The following ID1 variants were observed in gnomAD, a reference collection of about 807,000 sequenced individuals.
ID1 encodes DNA-binding protein inhibitor ID-1.
A neutral mutation model predicts 11.3 loss-of-function variants in ID1; 8 were observed. That is an observed-to-expected ratio of 0.71 (90% confidence interval 0.42 to 1.28). The LOEUF (loss-of-function observed/expected upper bound fraction) is 1.28, where lower values mean the gene tolerates loss of function less well. Among genes scored for constraint, ID1 ranks in the 50% most tolerant of loss-of-function variants. The pLI is 0.01. For synonymous variants in ID1, 176 were observed against 100.2 expected (o/e 1.76, Z -4.52); for missense variants, 347 against 219.8 (o/e 1.58, Z -3.66).
chr20:31,605,660 G>A lies in ID1; in HGVS notation c.273G>A (p.Lys91=), dbSNP rs777968770. Residue 91 remains lysine (K), a synonymous_variant, in exon 1 of 2, where the codon AAG becomes AAA. Coordinates refer to ENST00000376112, the MANE Select transcript of ID1 (RefSeq NM_002165.4). ...PTLPQNRKVS[K]VEILQHVIDY... ...TGCCCCAGAACCGCAAGGTGAGCAA[G>A]GTGGAGATTCTCCAGCACGTCATCG... is the stretch of plus-strand genomic sequence containing the variant. The A allele has an allele frequency of 9.9e-6, 16 of 1,608,126 alleles. No homozygotes were observed. The highest frequency in any genetic ancestry group is 2.3e-5 in the East Asian group (1 of 44,418).
At position 31,605,325 on chromosome 20, in the gene ID1, C is replaced by T. The variant is rs544153801; in HGVS notation, c.-63C>T. 22 of 1,464,314 alleles carry T rather than the reference C, an allele frequency of 1.5e-5. No homozygotes were observed. Among genetic ancestry groups the T allele is most frequent in the Admixed American group, 1.2e-4 (6 of 51,044 alleles). 90.7% of individuals were successfully genotyped at this position (1,464,314 alleles called of 1,614,324 possible). The stretch of plus-strand genomic sequence containing the variant: ...TTAACTGTTCCATTTTCCGTATCTG[C>T]TTCGGGCTTCCACCTCATTTTTTTC... On this transcript the variant is annotated 5_prime_UTR_variant, in exon 1 of 2. Coordinates refer to ENST00000376112, the MANE Select transcript of ID1 (RefSeq NM_002165.4).
Position 31,606,240 on chromosome 20 carries a change from C to CCTGGGG in ID1, c.*150_*155dup, listed in dbSNP as rs544010738. On this transcript the variant is annotated 3_prime_UTR_variant, in exon 2 of 2. Transcript: ENST00000376112. ...CCACTGCGCCCTTAACTGCATCCAG[C>CCTGGGG]CTGGGGCTGAGGCTGAGGCACTGGC... 365 of 828,796 alleles carry CCTGGGG rather than the reference C, an allele frequency of 4.4e-4. 2 individuals are homozygous for CCTGGGG. In the African/African-American group the frequency reaches 5.8e-3, roughly 13 times the overall value. The allele number at this position is 828,796 out of a possible 1,614,324, so 51.3% of individuals were successfully genotyped here.
In ID1 at chr20:31,606,153, G is replaced by T; in HGVS notation, c.*59G>T. The stretch of plus-strand genomic sequence containing the variant: ...ATCCAGGGGGCAAGAGGAATTACGT[G>T]CTCTGTGGGTCTCCCCCAACGCGCC... On this transcript the variant is annotated 3_prime_UTR_variant, in exon 2 of 2. Coordinates refer to ENST00000376112, the MANE Select transcript of ID1 (RefSeq NM_002165.4). 2 of 1,538,620 alleles carry T rather than the reference G, an allele frequency of 1.3e-6. No homozygotes were observed. Among genetic ancestry groups the T allele is most frequent in the East Asian group, 2.3e-5 (1 of 44,400 alleles).
At position 31,605,672 on chromosome 20, in the gene ID1, C is replaced by G. The variant is rs948921953; in HGVS notation, c.285C>G (p.Leu95=). The change falls in exon 1 of 2, where the codon CTC becomes CTG. Residue 95 remains leucine (L), a synonymous_variant. Transcript: ENST00000376112. Reference sequence around the variant, plus strand: ...GCAAGGTGAGCAAGGTGGAGATTCTCCAGCACGTCATCGACTACATCAGGG... The same window carrying G: ...GCAAGGTGAGCAAGGTGGAGATTCTGCAGCACGTCATCGACTACATCAGGG... ...QNRKVSKVEI[L]QHVIDYIRDL... The G allele has an allele frequency of 2.5e-6, 4 of 1,609,888 alleles. No homozygotes were observed. The highest frequency in any genetic ancestry group is 1.7e-6 in the Non-Finnish European group (2 of 1,178,128).
In ID1 at chr20:31,605,490, C is replaced by CAG; in HGVS notation, c.103_104insAG (p.Leu35GlnfsTer29). 1.2e-6 allele frequency: 2 copies of CAG among 1,604,224 alleles called. No individual in the cohort carries two copies. Among genetic ancestry groups the CAG allele is most frequent in the Non-Finnish European group, 1.7e-6 (2 of 1,174,842 alleles). On this transcript the variant is annotated frameshift_variant, in exon 1 of 2. Coordinates refer to ENST00000376112, the MANE Select transcript of ID1 (RefSeq NM_002165.4). LOFTEE classifies it high-confidence loss of function. ...CGGTGCGGGCGAGGTGGTGCGCTGT[C>CAG]TGTCTGAGCAGAGCGTGGCCATCTC...
rs772960185 is a variant in ID1 at position 31,605,714 on chromosome 20, G to A, written c.327G>A (p.Leu109=). The change falls in exon 1 of 2, where the codon CTG becomes CTA. Residue 109 remains leucine (L), a synonymous_variant. Coordinates refer to ENST00000376112, the MANE Select transcript of ID1 (RefSeq NM_002165.4). ...ACATCAGGGACCTTCAGTTGGAGCT[G>A]AACTCGGAATCCGAAGTTGGAACCC... ...IDYIRDLQLE[L]NSESEVGTPG... is the part of the protein sequence containing the mutation. 6 of 1,611,460 alleles carry A rather than the reference G, an allele frequency of 3.7e-6. No homozygotes were observed. The highest frequency in any genetic ancestry group is 2.2e-5 in the East Asian group (1 of 44,668).
Position 31,606,042 on chromosome 20 carries a change from C to G in ID1, c.427-11C>G, listed in dbSNP as rs375753998. 1.1e-5 allele frequency: 18 copies of G among 1,612,390 alleles called. 1 individual carries two copies. The highest frequency in any genetic ancestry group is 1.4e-5 in the Non-Finnish European group (17 of 1,180,030). On this transcript the variant is annotated splice_polypyrimidine_tract_variant and intron_variant, in intron 1 of 1. Transcript: ENST00000376112. ...CCAACCCGCCGGTCTCATTTCTTCT[C>G]GTTTTCACAGGCGGCATGCGTTCCT...
rs1392433027 is a variant in ID1, at chr20:31,606,453, T to C, written c.*359T>C. The C allele has an allele frequency of 1.4e-5, 4 of 288,938 alleles. No homozygotes were observed. Among genetic ancestry groups the C allele is most frequent in the Admixed American group, 5.0e-5 (1 of 20,128 alleles). The allele number at this position is 288,938 out of a possible 1,614,324, so 17.9% of individuals were successfully genotyped here. A position where few individuals can be genotyped will look rare whatever the true frequency, so the allele number is the denominator to read the frequency against. ...CAATGATCACCGACTGAAAATATTG[T>C]TTTACAATAGTTCTGTGGGGCTGTT... On this transcript the variant is annotated 3_prime_UTR_variant, in exon 2 of 2. Transcript: ENST00000376112.
At chr20:31,605,989 G>T in intron 1 of ID1, 64 bp from the exon 2 acceptor site, 1 of 1,611,424 alleles carries the variant, frequency 6.2e-7, no homozygotes, top group South Asian at 1.1e-5. Context: ...GGAAGGGGGC[G>T]TTCGCTGCGC....
rs1419298619 is a variant in ID1 at position 31,605,825 on chromosome 20, A to C, written c.426+12A>C. On this transcript the variant is annotated intron_variant, in intron 1 of 1. Coordinates refer to ENST00000376112, the MANE Select transcript of ID1 (RefSeq NM_002165.4). Reference sequence around the variant, plus strand: ...CCCTGACGGCCGAGGTGAGATCCAGATCCGACCACTAGATCATCCTTATAC... The same window carrying C: ...CCCTGACGGCCGAGGTGAGATCCAGCTCCGACCACTAGATCATCCTTATAC... 1.2e-6 allele frequency: 2 copies of C among 1,610,862 alleles called. No individual in the cohort carries two copies. Among genetic ancestry groups the C allele is most frequent in the Admixed American group, 3.4e-5 (2 of 59,636 alleles).
rs1986117946 is a variant in ID1, at chr20:31,606,424, A to G, written c.*330A>G. ...CTGAGGAAATTGCTTTGTATTGTAT[A>G]TTACAATGATCACCGACTGAAAATA... On this transcript the variant is annotated 3_prime_UTR_variant, in exon 2 of 2. Coordinates refer to ENST00000376112, the MANE Select transcript of ID1 (RefSeq NM_002165.4). 1 of 377,308 alleles carries G rather than the reference A, an allele frequency of 2.7e-6. No homozygotes were observed. Among genetic ancestry groups the G allele is most frequent in the Non-Finnish European group, 5.0e-6 (1 of 199,614 alleles). The allele number at this position is 377,308 out of a possible 1,614,324, so 23.4% of individuals were successfully genotyped here.
Position 31,605,296 on chromosome 20 carries a change from G to T in ID1, c.-92G>T. 1 of 1,221,862 alleles carries T rather than the reference G, an allele frequency of 8.2e-7. No homozygotes were observed. Among genetic ancestry groups the T allele is most frequent in the South Asian group, 1.4e-5 (1 of 72,786 alleles). The allele number at this position is 1,221,862 out of a possible 1,614,324, so 75.7% of individuals were successfully genotyped here. A position where few individuals can be genotyped will look rare whatever the true frequency, so the allele number is the denominator to read the frequency against. The stretch of plus-strand genomic sequence containing the variant: ...CTGTGGCTCCGCACTCTCATTCCAC[G>T]TTCTTAACTGTTCCATTTTCCGTAT... On this transcript the variant is annotated 5_prime_UTR_variant, in exon 1 of 2. Transcript: ENST00000376112.
rs747840650 is a variant in ID1 at position 31,605,438 on chromosome 20, C to T, written c.51C>T (p.Cys17=). Residue 17 remains cysteine, a synonymous_variant, in exon 1 of 2, where the codon TGC becomes TGT. Coordinates refer to ENST00000376112, the MANE Select transcript of ID1 (RefSeq NM_002165.4). ...CCACCGCCGCCGCGGGCCCCAGCTGCGCGCTGAAGGCCGGCAAGACAGCGA... is the reference window on the plus strand; with the variant it reads ...CCACCGCCGCCGCGGGCCCCAGCTGTGCGCTGAAGGCCGGCAAGACAGCGA... ...STATAAAGPS[C]ALKAGKTASG... is the part of the protein sequence containing the mutation. The T allele has an allele frequency of 3.1e-6, 5 of 1,608,438 alleles. No individual in the cohort carries two copies. The highest frequency in any genetic ancestry group is 4.2e-6 in the Non-Finnish European group (5 of 1,178,464).
In ID1 at chr20:31,605,647, G is replaced by C; in HGVS notation, c.260G>C (p.Arg87Pro). The C allele has an allele frequency of 6.2e-7, 1 of 1,603,356 alleles. No homozygotes were observed. The highest frequency in any genetic ancestry group is 8.5e-7 in the Non-Finnish European group (1 of 1,175,076). Residue 87 changes from arginine to proline, a missense_variant, in exon 1 of 2, where the codon CGC becomes CCC. Physicochemically the swap from Arg to Pro is moderately radical, Grantham distance 103. Coordinates refer to ENST00000376112, the MANE Select transcript of ID1 (RefSeq NM_002165.4). The part of the protein sequence containing the change: ...KELVPTLPQN[R>P]KVSKVEILQH... ...CTGGTGCCCACCCTGCCCCAGAACCGCAAGGTGAGCAAGGTGGAGATTCTC... is the reference window on the plus strand; with the variant it reads ...CTGGTGCCCACCCTGCCCCAGAACCCCAAGGTGAGCAAGGTGGAGATTCTC...
In ID1 at chr20:31,605,540, G is replaced by A; in HGVS notation, c.153G>A (p.Ala51=). ...AISRCAGGAG[A]RLPALLDEQQ... ...CGCGCTGCGCCGGGGGCGCCGGGGC[G>A]CGCCTGCCTGCCCTGCTGGACGAGC... The change falls in exon 1 of 2, where the codon GCG becomes GCA. Residue 51 remains alanine, a synonymous_variant. Transcript: ENST00000376112. The A allele has an allele frequency of 6.4e-7, 1 of 1,556,568 alleles. No individual in the cohort carries two copies. Among genetic ancestry groups the A allele is most frequent in the South Asian group, 1.2e-5 (1 of 85,876 alleles).
chr20:31,605,976 TG>T (rs1346978979), intron 1 of ID1, 76 bp from the exon 2 acceptor site: 1 of 1,609,872 alleles, frequency 6.2e-7, no homozygotes, highest in East Asian at 2.2e-5. Context: ...TCGTGCTTCC[TG>T]GGGAAGGGGG....
At position 31,605,407 on chromosome 20, in the gene ID1, G is replaced by A. The variant is rs201311175; in HGVS notation, c.20G>A (p.Ser7Asn). The A allele has an allele frequency of 6.9e-6, 11 of 1,599,530 alleles. No individual in the cohort carries two copies. Among genetic ancestry groups the A allele is most frequent in the Admixed American group, 3.4e-5 (2 of 58,620 alleles). MKVASG[S>N]TATAAAGPSC... ...AGAATCATGAAAGTCGCCAGTGGCA[G>A]CACCGCCACCGCCGCCGCGGGCCCC... The change falls in exon 1 of 2, where the codon AGC (serine) becomes AAC (asparagine). Residue 7 changes from serine to asparagine, a missense_variant. Coordinates refer to ENST00000376112, the MANE Select transcript of ID1 (RefSeq NM_002165.4).
rs767641692 is a variant in ID1, at chr20:31,605,763, C to A, written c.376C>A (p.Arg126=). 1 of 1,610,274 alleles carries A rather than the reference C, an allele frequency of 6.2e-7. No homozygotes were observed. The highest frequency in any genetic ancestry group is 2.2e-5 in the East Asian group (1 of 44,604). Residue 126 remains arginine (R), a synonymous_variant, in exon 1 of 2, where the codon CGG becomes AGG. Coordinates refer to ENST00000376112, the MANE Select transcript of ID1 (RefSeq NM_002165.4). ...GTPGGRGLPV[R]APLSTLNGEI... is the part of the protein sequence containing the mutation. Reference sequence around the variant, plus strand: ...CCCCGGGGGCCGAGGGCTGCCGGTCCGGGCTCCGCTCAGCACCCTCAACGG... The same window carrying A: ...CCCCGGGGGCCGAGGGCTGCCGGTCAGGGCTCCGCTCAGCACCCTCAACGG...
In ID1 at chr20:31,606,412, T is replaced by C. The variant is rs541657346; in HGVS notation, c.*318T>C. 7.7e-5 allele frequency: 37 copies of C among 481,478 alleles called. No homozygotes were observed. The South Asian group carries it at 9.9e-4, about 13-fold the overall frequency. 29.8% of individuals were successfully genotyped at this position (481,478 alleles called of 1,614,324 possible). ...CTTCTCAGATTTCTGAGGAAATTGCTTTGTATTGTATATTACAATGATCAC... is the reference window on the plus strand; with the variant it reads ...CTTCTCAGATTTCTGAGGAAATTGCCTTGTATTGTATATTACAATGATCAC... On this transcript the variant is annotated 3_prime_UTR_variant, in exon 2 of 2. Coordinates refer to ENST00000376112, the MANE Select transcript of ID1 (RefSeq NM_002165.4).
Sources: allele counts gnomAD v4.1 joint callset, GRCh38; gene constraint gnomAD v4.1.1; transcripts MANE v1.5; gene names NCBI Gene and HGNC (gene_info 2026-07-23, HGNC 2026-07-21).